Variants in TRABD2B observed in about 807,000 individuals in gnomAD.
The protein encoded by TRABD2B is metalloprotease TIKI2.
A neutral mutation model predicts 40.1 loss-of-function variants in TRABD2B; 14 were observed. The observed-to-expected ratio is 0.35, with a 90% CI of 0.23 to 0.55. The LOEUF (loss-of-function observed/expected upper bound fraction) is 0.55. TRABD2B is among the 20% of genes least tolerant of loss of function. The pLI is 0.90. For synonymous variants in TRABD2B, 263 were observed against 277.0 expected (o/e 0.95, Z 0.50); for missense variants, 541 against 648.6 (o/e 0.83, Z 1.80).
intron 2 of TRABD2B, among the ~76,000 whole-genome samples, chr1:47,940,170 C>T (rs1213867273): frequency 6.6e-6 from 1 of 152,216 alleles, no homozygotes; most frequent in Non-Finnish European, 1.5e-5. Flanking sequence ...CCTTCTCTGT[C>T]CTATCCGTAA....
intron 2 of TRABD2B, among the ~76,000 whole-genome samples, chr1:47,837,444 G>A (rs72894221): frequency 0.032 from 4,893 of 152,092 alleles, 280 homozygotes; most frequent in African/African-American, 0.11. Context: ...CTTCACAGCC[G>A]ATCTCAACAG....
chr1:47,841,160 ACT>A (rs1429379053), intron 2 of TRABD2B, among the ~76,000 whole-genome samples: 1 of 151,738 alleles, frequency 6.6e-6, no homozygotes, highest in Non-Finnish European at 1.5e-5. Context: ...TCTCTCTGTG[ACT>A]CTCTCTCCAT....
chr1:47,839,610 G>T (rs1339874686), intron 2 of TRABD2B, among the ~76,000 whole-genome samples: 1 of 152,166 alleles, frequency 6.6e-6, no homozygotes, highest in Non-Finnish European at 1.5e-5. Context: ...CACCTCTGAT[G>T]GGAAGGGCAG....
At chr1:47,894,836 T>G (rs1231994548) in intron 2 of TRABD2B, among the ~76,000 whole-genome samples, 1 of 152,094 alleles carries the variant, frequency 6.6e-6, no homozygotes, top group Non-Finnish European at 1.5e-5. Flanking sequence ...CTCTGCAACA[T>G]GTGCTGAGGA....
intron 3 of TRABD2B, chr1:47,795,655 A>G (rs1256640487): frequency 2.0e-6 from 2 of 985,208 alleles, no homozygotes; most frequent in Non-Finnish European, 1.2e-6. Context: ...GGGGGCTGTC[A>G]TGGGCTACAT....
intron 2 of TRABD2B, among the ~76,000 whole-genome samples, chr1:47,897,227 C>A (rs1644534709): frequency 6.6e-6 from 1 of 152,112 alleles, no homozygotes; most frequent in South Asian, 2.1e-4. Context: ...ACAGCAAAGA[C>A]CCTGAGACAG....
chr1:47,902,913 A>G (rs1199588288), intron 2 of TRABD2B, among the ~76,000 whole-genome samples: 2 of 152,214 alleles, frequency 1.3e-5, no homozygotes, highest in Non-Finnish European at 2.9e-5. Context: ...AGTAGCTATC[A>G]TATTTGACAG....
At chr1:47,871,245 G>C (rs922298624) in intron 2 of TRABD2B, among the ~76,000 whole-genome samples, 1 of 152,090 alleles carries the variant, frequency 6.6e-6, no homozygotes, top group Non-Finnish European at 1.5e-5. Context: ...GCAGGAGCAG[G>C]AGAATGTGCT....
At chr1:47,891,725 A>T (rs934228347) in intron 2 of TRABD2B, among the ~76,000 whole-genome samples, 2 of 151,986 alleles carry the variant, frequency 1.3e-5, no homozygotes, top group African/African-American at 4.8e-5. Context: ...CTGCTTGAGC[A>T]TGGGAGGTTG....
At chr1:47,915,918 C>G (rs1410704888) in intron 2 of TRABD2B, among the ~76,000 whole-genome samples, 1 of 152,166 alleles carries the variant, frequency 6.6e-6, no homozygotes, top group Non-Finnish European at 1.5e-5. Flanking sequence ...GACAGGTCTC[C>G]GGGAGACACC....
chr1:47,766,831 T>C (rs3844086), intron 6 of TRABD2B, among the ~76,000 whole-genome samples: 99,377 of 152,014 alleles, frequency 0.65, 32,963 homozygotes, highest in East Asian at 0.97. Context: ...AGGTGCAGTC[T>C]TTCACGAATT....
chr1:47,800,499 G>C (rs1644807692), intron 3 of TRABD2B, among the ~76,000 whole-genome samples: 1 of 152,166 alleles, frequency 6.6e-6, no homozygotes, highest in African/African-American at 2.4e-5. Context: ...CAGGAGGGGA[G>C]AGCAGAAAGT....
chr1:47,856,438 T>C (rs9787212), intron 2 of TRABD2B, among the ~76,000 whole-genome samples: 48,614 of 152,208 alleles, frequency 0.32, 8,090 homozygotes, highest in Non-Finnish European at 0.37. Flanking sequence ...GGTGGATGAA[T>C]GCAGTTAGTT....
At chr1:47,799,857 G>A (rs1049517873) in intron 3 of TRABD2B, among the ~76,000 whole-genome samples, 6 of 151,996 alleles carry the variant, frequency 3.9e-5, no homozygotes, top group Non-Finnish European at 7.4e-5. Context: ...TAAATCAGCC[G>A]TTCCTTCCAC....
chr1:47,768,767 CTG>C (rs1374600014), intron 6 of TRABD2B, among the ~76,000 whole-genome samples: 1 of 152,212 alleles, frequency 6.6e-6, no homozygotes, highest in African/African-American at 2.4e-5. Flanking sequence ...ATTTTTGTGT[CTG>C]TGTCTCTCCT....
At chr1:47,980,444 G>A (rs1308781687) in intron 2 of TRABD2B, among the ~76,000 whole-genome samples, 1 of 152,162 alleles carries the variant, frequency 6.6e-6, no homozygotes, top group Non-Finnish European at 1.5e-5. Context: ...CAGATCACCT[G>A]AGCTCTGCAA....
chr1:47,777,504 C>T (rs977987910), intron 5 of TRABD2B, among the ~76,000 whole-genome samples: 1 of 152,190 alleles, frequency 6.6e-6, no homozygotes, highest in African/African-American at 2.4e-5. Context: ...CAGACTGCCA[C>T]TTACACCGCT....
intron 2 of TRABD2B, among the ~76,000 whole-genome samples, chr1:47,916,733 G>A (rs887506603): frequency 1.3e-5 from 2 of 152,190 alleles, no homozygotes; most frequent in African/African-American, 2.4e-5. Flanking sequence ...GACTGGGGGG[G>A]CTTGCACCCC....
chr1:47,940,841 C>T (rs545065211), intron 2 of TRABD2B, among the ~76,000 whole-genome samples: 7 of 152,338 alleles, frequency 4.6e-5, no homozygotes, highest in Admixed American at 3.3e-4. Context: ...GCATGGCAGT[C>T]CAGGAATCCG....
Sources: allele counts gnomAD v4.1 joint callset (sites outside exome capture counted in the v4.1 genomes callset), GRCh38; gene constraint gnomAD v4.1.1; transcripts MANE v1.5; gene names NCBI Gene and HGNC (gene_info 2026-07-23, HGNC 2026-07-21).